HS6ST2: variants seen among roughly 807,000 people sequenced by gnomAD.
HS6ST2 encodes heparan sulfate 6-O-sulfotransferase 2, also known as heparan-sulfate 6-O-sulfotransferase 2.
A neutral mutation model predicts 33.0 loss-of-function variants in HS6ST2; 17 were observed. That is an observed-to-expected ratio of 0.52 (90% CI 0.35 to 0.77). The LOEUF (loss-of-function observed/expected upper bound fraction) is 0.77. HS6ST2 is among the 30% of genes least tolerant of loss of function. The probability of loss-of-function intolerance (pLI) is 0.01; values close to 1 mark genes in which losing one functional copy is unlikely to be tolerated. For synonymous variants in HS6ST2, 248 were observed against 237.1 expected (o/e 1.05, Z -0.42); for missense variants, 519 against 551.7 (o/e 0.94, Z 0.59).
intron 4 of HS6ST2, among the ~76,000 whole-genome samples, chrX:132,666,626 C>T (rs984025279): frequency 4.5e-5 from 5 of 110,824 alleles, no homozygotes; most frequent in Admixed American, 9.7e-5. Flanking sequence ...CAGGTTGGCC[C>T]GTAACACTCA....
chrX:132,708,686 A>G, intron 2 of HS6ST2, 192 bp from the exon 3 acceptor site: 1 of 388,293 alleles, frequency 2.6e-6, no homozygotes, highest in East Asian at 4.5e-5. Context: ...ATTCCCAATC[A>G]GAAGGCTAAA....
intron 4 of HS6ST2, among the ~76,000 whole-genome samples, chrX:132,629,471 C>T (rs185839898): frequency 5.4e-5 from 6 of 111,656 alleles, no homozygotes; most frequent in Admixed American, 9.5e-5. Flanking sequence ...TTATTTCATG[C>T]CCCCCACTCT....
rs924919706 is a variant in HS6ST2, at chrX:132,949,553, G to A, written c.947+7255C>T. ...TGCCTTTCAGGGTGAGGGTTTATTA[G>A]GGCTGAGGCTACTCTCCTCATTAAA... On this transcript the variant is annotated intron_variant, in intron 2 of 4. Transcript: ENST00000370833. Among the ~76,000 whole-genome samples the A allele has an allele frequency of 3.6e-5, 4 of 110,117 alleles. No individual in the cohort carries two copies. The South Asian group carries it at 1.6e-3, about 43-fold the overall frequency.
chrX:132,867,131 C>T (rs1240989277), intron 2 of HS6ST2, among the ~76,000 whole-genome samples: 3 of 102,384 alleles, frequency 2.9e-5, no homozygotes, highest in Non-Finnish European at 6.0e-5. Context: ...ATAGATAGCT[C>T]TTATTATTTT....
At chrX:132,746,364 G>A (rs1284582681) in intron 2 of HS6ST2, among the ~76,000 whole-genome samples, 2 of 110,618 alleles carry the variant, frequency 1.8e-5, no homozygotes, top group African/African-American at 3.3e-5. Flanking sequence ...TTAGCCGGGC[G>A]TGGTGGCGGG....
intron 2 of HS6ST2, among the ~76,000 whole-genome samples, chrX:132,947,950 C>T (rs975353297): frequency 5.4e-5 from 6 of 111,777 alleles, no homozygotes; most frequent in Admixed American, 1.9e-4. Context: ...TGAAGATTTG[C>T]AGTTATTAGT....
At chrX:132,829,199 T>TATATATATACACACACAC (rs55664940) in intron 2 of HS6ST2, among the ~76,000 whole-genome samples, 1 of 73,294 alleles carries the variant, frequency 1.4e-5, no homozygotes, top group African/African-American at 6.1e-5. Flanking sequence ...TATATATATA[T>TATATATATACACACACAC]ACATACTTAT....
chrX:132,904,597 G>A (rs757813484), intron 2 of HS6ST2, among the ~76,000 whole-genome samples: 1 of 106,630 alleles, frequency 9.4e-6, no homozygotes, highest in East Asian at 2.9e-4. Flanking sequence ...AGGCCGTAAT[G>A]CAGTGGCACA....
At chrX:132,943,491 C>G (rs2066908711) in intron 2 of HS6ST2, among the ~76,000 whole-genome samples, 1 of 111,441 alleles carries the variant, frequency 9.0e-6, no homozygotes, top group Non-Finnish European at 1.9e-5. Context: ...AAGAGGGAAT[C>G]CTCCCTAACT....
intron 2 of HS6ST2, among the ~76,000 whole-genome samples, chrX:132,897,945 G>A (rs965560528): frequency 9.0e-6 from 1 of 111,520 alleles, no homozygotes; most frequent in Non-Finnish European, 1.9e-5. Context: ...GCCACGAATG[G>A]GTACTGGTCC....
chrX:132,935,562 G>T (rs1162315750), intron 2 of HS6ST2, among the ~76,000 whole-genome samples: 1 of 111,363 alleles, frequency 9.0e-6, no homozygotes, highest in Non-Finnish European at 1.9e-5. Context: ...ATAGAGTTTC[G>T]CCATGTTGCC....
chrX:132,737,479 C>A (rs2064520485), intron 2 of HS6ST2, among the ~76,000 whole-genome samples: 1 of 111,064 alleles, frequency 9.0e-6, no homozygotes, highest in Non-Finnish European at 1.9e-5. Flanking sequence ...TCCATTCGTT[C>A]CCACTGGGGC....
At chrX:132,859,530 A>G (rs113718608) in intron 2 of HS6ST2, among the ~76,000 whole-genome samples, 55 of 109,080 alleles carry the variant, frequency 5.0e-4, no homozygotes, top group African/African-American at 1.7e-3. Flanking sequence ...TAGTGGAACT[A>G]TAAAGAATTC....
At chrX:132,858,769 C>A (rs1331906941) in intron 2 of HS6ST2, among the ~76,000 whole-genome samples, 3 of 112,354 alleles carry the variant, frequency 2.7e-5, no homozygotes, top group Admixed American at 9.4e-5. Context: ...TTCATCTATT[C>A]TCTCCCTTGT....
chrX:132,653,996 T>C (rs1191427083), intron 4 of HS6ST2, among the ~76,000 whole-genome samples: 1 of 111,157 alleles, frequency 9.0e-6, no homozygotes, highest in Non-Finnish European at 1.9e-5. Context: ...GTGGTGATGG[T>C]TAAAGGGTAC....
At chrX:132,954,535 C>T (rs2067046616) in intron 2 of HS6ST2, among the ~76,000 whole-genome samples, 1 of 111,897 alleles carries the variant, frequency 8.9e-6, no homozygotes, top group South Asian at 3.8e-4. Context: ...CAGAACTGGT[C>T]CTGCAACCTC....
At chrX:132,940,037 CT>C (rs1174380170) in intron 2 of HS6ST2, among the ~76,000 whole-genome samples, 2 of 112,248 alleles carry the variant, frequency 1.8e-5, no homozygotes, top group East Asian at 5.6e-4. Flanking sequence ...GCACTTCCTG[CT>C]TTCAAAACTA....
chrX:132,755,447 T>C (rs1206149901), intron 2 of HS6ST2, among the ~76,000 whole-genome samples: 1 of 111,586 alleles, frequency 9.0e-6, no homozygotes, highest in African/African-American at 3.3e-5. Flanking sequence ...TGAAAAACAG[T>C]ATTAGAAAAC....
chrX:132,727,076 C>T (rs2064399679), intron 2 of HS6ST2, among the ~76,000 whole-genome samples: 1 of 110,098 alleles, frequency 9.1e-6, no homozygotes, highest in Non-Finnish European at 1.9e-5. Flanking sequence ...ATCAAAACCC[C>T]AATATGACTC....
Sources: gnomAD v4.1 joint callset for allele counts (sites outside exome capture counted in the v4.1 genomes callset) on GRCh38, gnomAD v4.1.1 for gene constraint, MANE v1.5 for transcripts, NCBI Gene and HGNC (gene_info 2026-07-23, HGNC 2026-07-21) for gene names.